Variants in ADAMTS6 observed in about 807,000 individuals in gnomAD.
ADAMTS6 encodes the protein ADAM metallopeptidase with thrombospondin type 1 motif 6.
ADAMTS6 carries 23 observed loss-of-function variants against 144.3 expected under a neutral mutation model. The observed-to-expected ratio is 0.16, with a 90% confidence interval of 0.11 to 0.23. ADAMTS6 has a LOEUF of 0.23. Among genes scored for constraint, ADAMTS6 ranks in the 10% least tolerant of loss-of-function variants. The probability of loss-of-function intolerance (pLI) is 1.00; values close to 1 mark genes in which losing one functional copy is unlikely to be tolerated. For missense variants in ADAMTS6, 999 were observed against 1,379.6 expected, an observed-to-expected ratio of 0.72 and a Z score of 4.37; for synonymous variants, 444 against 457.5, an observed-to-expected ratio of 0.97 and a Z score of 0.38.
chr5:65,476,437 C>G (rs1760845614), intron 1 of ADAMTS6, among the ~76,000 whole-genome samples: 1 of 152,164 alleles, frequency 6.6e-6, no homozygotes, highest in Admixed American at 6.5e-5. Context: ...GCCACCAATT[C>G]ACAAATAAAG....
At chr5:65,306,825 C>T (rs1040056029) in intron 9 of ADAMTS6, among the ~76,000 whole-genome samples, 8 of 152,264 alleles carry the variant, frequency 5.3e-5, no homozygotes, top group African/African-American at 1.9e-4. Context: ...TCTCAGATGC[C>T]TTCTTTTGTA....
At chr5:65,170,799 A>T (rs1256524996) in intron 23 of ADAMTS6, 26 bp from the exon 24 acceptor site, 1 of 1,600,824 alleles carries the variant, frequency 6.2e-7, no homozygotes, top group Non-Finnish European at 8.5e-7. Flanking sequence ...CAAAGAAACA[A>T]AATATTAATC....
intron 12 of ADAMTS6, among the ~76,000 whole-genome samples, chr5:65,264,071 A>G (rs1761421799): frequency 6.6e-6 from 1 of 152,178 alleles, no homozygotes; most frequent in South Asian, 2.1e-4. Flanking sequence ...CTTCATCGCT[A>G]TACTCTAGAT....
At chr5:65,308,151 C>A (rs548967008) in intron 9 of ADAMTS6, among the ~76,000 whole-genome samples, 98 of 152,262 alleles carry the variant, frequency 6.4e-4, no homozygotes, top group African/African-American at 2.0e-3. Context: ...GTACTGGGAA[C>A]TAGACCAACT....
chr5:65,290,762 T>C lies in ADAMTS6; in HGVS notation c.1512+567A>G, dbSNP rs557541522. Among the ~76,000 whole-genome samples the C allele has an allele frequency of 2.0e-4, 31 of 152,312 alleles. No individual in the cohort carries two copies. The South Asian group carries it at 5.8e-3, about 28-fold the overall frequency. On this transcript the variant is annotated intron_variant, in intron 11 of 24. Coordinates refer to ENST00000381055, the MANE Select transcript of ADAMTS6 (RefSeq NM_197941.4). ...CTGATGTAGACACTGTGACTTTTTT[T>C]TAAGGCAGACATGCAGAATAAATTA...
intron 21 of ADAMTS6, among the ~76,000 whole-genome samples, chr5:65,188,594 G>A (rs1000041660): frequency 6.6e-6 from 1 of 152,106 alleles, no homozygotes; most frequent in Non-Finnish European, 1.5e-5. Flanking sequence ...TTTAACCACT[G>A]GCTCCCTATG....
intron 7 of ADAMTS6, among the ~76,000 whole-genome samples, chr5:65,389,922 G>A (rs1346748833): frequency 6.6e-6 from 1 of 151,938 alleles, no homozygotes; most frequent in African/African-American, 2.4e-5. Flanking sequence ...CATTAGAAAC[G>A]TTTTTCTTTG....
At chr5:65,267,061 T>C (rs1278925780) in intron 12 of ADAMTS6, among the ~76,000 whole-genome samples, 1 of 152,032 alleles carries the variant, frequency 6.6e-6, no homozygotes. Flanking sequence ...ATAAAGCAAC[T>C]TGGAATATAT....
chr5:65,323,727 CCCA>C (rs1196601816), intron 9 of ADAMTS6, among the ~76,000 whole-genome samples: 1 of 152,140 alleles, frequency 6.6e-6, no homozygotes, highest in Admixed American at 6.6e-5. Context: ...AGTTTACAGT[CCCA>C]CCAACAGTGT....
At chr5:65,304,289 C>A (rs1476250867) in intron 9 of ADAMTS6, among the ~76,000 whole-genome samples, 1 of 152,222 alleles carries the variant, frequency 6.6e-6, no homozygotes, top group Non-Finnish European at 1.5e-5. Context: ...ACATTCATGA[C>A]ATCAGCTTCA....
intron 7 of ADAMTS6, among the ~76,000 whole-genome samples, chr5:65,414,035 T>C (rs1473835687): frequency 6.6e-6 from 1 of 152,126 alleles, no homozygotes; most frequent in East Asian, 1.9e-4. Context: ...AAGGAAGTCA[T>C]AAAACCCTCA....
At chr5:65,233,629 G>A (rs541226645) in intron 15 of ADAMTS6, among the ~76,000 whole-genome samples, 1 of 151,044 alleles carries the variant, frequency 6.6e-6, no homozygotes, top group Non-Finnish European at 1.5e-5. Context: ...AAAAATTGAA[G>A]AAGACACAAA....
At chr5:65,281,318 G>T (rs1762973471) in intron 11 of ADAMTS6, among the ~76,000 whole-genome samples, 1 of 151,964 alleles carries the variant, frequency 6.6e-6, no homozygotes, top group African/African-American at 2.4e-5. Flanking sequence ...GATTAGTAAT[G>T]GTTTACTTTT....
chr5:65,312,307 A>C (rs530016475), intron 9 of ADAMTS6, among the ~76,000 whole-genome samples: 9 of 152,192 alleles, frequency 5.9e-5, no homozygotes, highest in African/African-American at 1.9e-4. Context: ...ATAAAAGGAC[A>C]TTCTTAATTT....
intron 11 of ADAMTS6, among the ~76,000 whole-genome samples, chr5:65,285,461 T>C (rs955558400): frequency 6.6e-6 from 1 of 152,150 alleles, no homozygotes; most frequent in African/African-American, 2.4e-5. Flanking sequence ...CAAATAGCCA[T>C]AAACAAGTCA....
Position 65,168,572 on chromosome 5 carries a change from G to A in ADAMTS6, c.3244+2045C>T, listed in dbSNP as rs1162055306. 9.0e-5 allele frequency among the ~76,000 whole-genome samples: 11 copies of A among 122,132 alleles called. No homozygotes were observed. The South Asian group carries it at 1.9e-3, about 21-fold the overall frequency. 80.1% of individuals were successfully genotyped at this position (122,132 alleles called of 152,430 possible). On this transcript the variant is annotated intron_variant, in intron 24 of 24. Transcript: ENST00000381055. ...ATGGAACCAAAAAAGAGCCCGCATCGCCAAGTCAATCCTAAGCCAAAAGAA... is the reference window on the plus strand; with the variant it reads ...ATGGAACCAAAAAAGAGCCCGCATCACCAAGTCAATCCTAAGCCAAAAGAA...
chr5:65,393,734 T>C (rs1442058062), intron 7 of ADAMTS6, among the ~76,000 whole-genome samples: 1 of 152,236 alleles, frequency 6.6e-6, no homozygotes, highest in African/African-American at 2.4e-5. Flanking sequence ...TAGGAGCCTA[T>C]CTTTTGTTAA....
intron 4 of ADAMTS6, among the ~76,000 whole-genome samples, chr5:65,456,143 C>T (rs1759179231): frequency 6.6e-6 from 1 of 151,828 alleles, no homozygotes; most frequent in Non-Finnish European, 1.5e-5. Flanking sequence ...TAAAACTATA[C>T]ATTCTATAAT....
At chr5:65,329,541 C>A in intron 8 of ADAMTS6, 58 bp from the exon 9 acceptor site, 2 of 1,425,986 alleles carry the variant, frequency 1.4e-6, no homozygotes, top group South Asian at 2.7e-5. Flanking sequence ...TCTTTAAAAG[C>A]CTATATTTAT....
Sources: allele counts gnomAD v4.1 joint callset (sites outside exome capture counted in the v4.1 genomes callset), GRCh38; gene constraint gnomAD v4.1.1; transcripts MANE v1.5; gene names NCBI Gene and HGNC (gene_info 2026-07-23, HGNC 2026-07-21).